The following KDM4C variants were observed in gnomAD, a reference collection of about 807,000 sequenced individuals.
KDM4C encodes the protein lysine-specific demethylase 4C.
Under a neutral mutation model 129.3 loss-of-function variants are expected in KDM4C, and 81 were observed. The observed-to-expected ratio is 0.63, with a 90% CI of 0.52 to 0.75. The LOEUF is 0.75. Among genes scored for constraint, KDM4C ranks in the 30% least tolerant of loss-of-function variants. KDM4C has a pLI of 0.00. For synonymous variants in KDM4C, 573 were observed against 456.1 expected (o/e 1.26, Z -3.26); for missense variants, 1,457 against 1,304.0 (o/e 1.12, Z -1.81).
chr9:6,721,169 G>C, intron 1 of KDM4C: 1 of 510,256 alleles, frequency 2.0e-6, no homozygotes, highest in East Asian at 3.3e-5. Flanking sequence ...AACATCCCAG[G>C]CTCAGGTGAT....
chr9:7,125,018 C>G (rs1048434580), intron 18 of KDM4C, among the ~76,000 whole-genome samples: 1 of 152,182 alleles, frequency 6.6e-6, no homozygotes, highest in African/African-American at 2.4e-5. Flanking sequence ...CCATACAGAC[C>G]TGGATCACCT....
intron 8 of KDM4C, among the ~76,000 whole-genome samples, chr9:6,903,940 T>C (rs946014469): frequency 6.6e-6 from 1 of 152,190 alleles, no homozygotes; most frequent in Admixed American, 6.5e-5. Flanking sequence ...TATCATTCTG[T>C]TCAATATATC....
intron 17 of KDM4C, among the ~76,000 whole-genome samples, chr9:7,065,874 G>A (rs748990850): frequency 4.2e-4 from 64 of 152,072 alleles, no homozygotes; most frequent in Non-Finnish European, 6.9e-4. Flanking sequence ...GTCAGTGACT[G>A]TAGTTTGAAA....
intron 15 of KDM4C, among the ~76,000 whole-genome samples, chr9:7,021,259 C>T (rs956927722): frequency 2.6e-5 from 4 of 151,816 alleles, no homozygotes; most frequent in Admixed American, 2.6e-4. Flanking sequence ...TCCAGCAATT[C>T]TCAGCCTCCT....
intron 1 of KDM4C, among the ~76,000 whole-genome samples, chr9:6,781,316 T>A (rs1231721061): frequency 6.6e-6 from 1 of 152,190 alleles, no homozygotes; most frequent in Non-Finnish European, 1.5e-5. Flanking sequence ...AAGTACAAGT[T>A]TAGGTTCCTG....
chr9:7,055,940 T>C lies in KDM4C; in HGVS notation c.2424+6740T>C, dbSNP rs528714812. On this transcript the variant is annotated intron_variant, in intron 17 of 21. Transcript: ENST00000381309. ...GCATTTTAGGAAATGTAAAGACATA[T>C]TGATTATCTTTCATCATGCTAAAAG... Among the ~76,000 whole-genome samples, 4 of 152,330 alleles carry C rather than the reference T, an allele frequency of 2.6e-5. No homozygotes were observed. The South Asian group carries it at 6.2e-4, about 24-fold the overall frequency.
In KDM4C at chr9:7,013,860, A is replaced by G. The variant is rs753859508; in HGVS notation, c.2041A>G (p.Lys681Glu). 1.2e-6 allele frequency: 2 copies of G among 1,614,044 alleles called. No individual in the cohort carries two copies. The highest frequency in any genetic ancestry group is 1.7e-6 in the Non-Finnish European group (2 of 1,179,904). The change falls in exon 14 of 22, where the codon AAG becomes GAG. Residue 681 changes from lysine to glutamate, a missense_variant. By Grantham distance (56) the Lys-to-Glu change is moderately conservative. Transcript: ENST00000381309. ...KLDEVVTSEG[K>E]TKPLIPEMCF... ...AGATGAAGTCGTTACATCGGAGGGA[A>G]AGACTAAGCCCCTCATACCAGAGAT... is the stretch of plus-strand genomic sequence containing the variant.
intron 5 of KDM4C, among the ~76,000 whole-genome samples, chr9:6,867,062 C>G (rs1588820758): frequency 6.9e-6 from 1 of 145,646 alleles, no homozygotes; most frequent in East Asian, 2.0e-4. Flanking sequence ...TGTCACCAGG[C>G]TGGAGTGCAG....
intron 1 of KDM4C, among the ~76,000 whole-genome samples, chr9:6,732,916 GGCA>G (rs1817401212): frequency 6.6e-6 from 1 of 152,200 alleles, no homozygotes; most frequent in Non-Finnish European, 1.5e-5. Flanking sequence ...GGGAGGCTGA[GGCA>G]GGAGAATAGC....
At chr9:6,881,743 C>G (rs567037658) in intron 6 of KDM4C, among the ~76,000 whole-genome samples, 7 of 152,192 alleles carry the variant, frequency 4.6e-5, no homozygotes, top group Non-Finnish European at 8.8e-5. Flanking sequence ...CCTGTTTATT[C>G]AAAACTCTTT....
intron 8 of KDM4C, among the ~76,000 whole-genome samples, chr9:6,901,480 G>C (rs1817403871): frequency 6.6e-6 from 1 of 152,224 alleles, no homozygotes; most frequent in Non-Finnish European, 1.5e-5. Context: ...CTCTGGGCAG[G>C]CTTGTCTTGA....
chr9:6,774,326 T>A (rs1391030991), intron 1 of KDM4C, among the ~76,000 whole-genome samples: 1 of 152,156 alleles, frequency 6.6e-6, no homozygotes, highest in African/African-American at 2.4e-5. Context: ...CTGTCAAATT[T>A]AAAAACTCAA....
At chr9:6,888,628 C>T (rs1036007215) in intron 7 of KDM4C, among the ~76,000 whole-genome samples, 1 of 152,074 alleles carries the variant, frequency 6.6e-6, no homozygotes, top group Non-Finnish European at 1.5e-5. Flanking sequence ...GTTATTGGGT[C>T]AGAATTATTG....
chr9:6,843,299 G>C (rs1306384085), intron 4 of KDM4C, among the ~76,000 whole-genome samples: 1 of 152,172 alleles, frequency 6.6e-6, no homozygotes, highest in Non-Finnish European at 1.5e-5. Flanking sequence ...AATCCGTCGA[G>C]GTGCCCCTCT....
At chr9:6,832,200 C>T (rs979562809) in intron 4 of KDM4C, among the ~76,000 whole-genome samples, 3 of 150,926 alleles carry the variant, frequency 2.0e-5, no homozygotes, top group Admixed American at 6.6e-5. Context: ...ATTAGCCGGG[C>T]GTGGTGGTGG....
At position 6,962,400 on chromosome 9, in the gene KDM4C, G is replaced by A. The variant is rs191687446; in HGVS notation, c.922-18525G>A. On this transcript the variant is annotated intron_variant, in intron 8 of 21. Coordinates refer to ENST00000381309, the MANE Select transcript of KDM4C (RefSeq NM_015061.6). ...ACCTTTGGACAGTGAATCCATTAATGTTCAGATGAGTTAAGGATAATTGCA... is the reference window on the plus strand; with the variant it reads ...ACCTTTGGACAGTGAATCCATTAATATTCAGATGAGTTAAGGATAATTGCA... Among the ~76,000 whole-genome samples, 10 of 152,264 alleles carry A rather than the reference G, an allele frequency of 6.6e-5. 1 individual carries two copies. In the East Asian group the frequency reaches 1.5e-3, roughly 24 times the overall value.
intron 19 of KDM4C, among the ~76,000 whole-genome samples, chr9:7,137,656 A>C (rs1048428913): frequency 6.6e-6 from 1 of 152,234 alleles, no homozygotes; most frequent in Non-Finnish European, 1.5e-5. Flanking sequence ...ATTTGTAAGC[A>C]CAGCTTTCTG....
intron 9 of KDM4C, chr9:6,981,878 G>A (rs141745266): frequency 0.013 from 3,545 of 271,006 alleles, 25 homozygotes; most frequent in East Asian, 0.02. Context: ...GAGGAAATTT[G>A]TAAAATAAGG....
At chr9:6,800,579 A>G (rs999971069) in intron 2 of KDM4C, among the ~76,000 whole-genome samples, 30 of 152,096 alleles carry the variant, frequency 2.0e-4, no homozygotes, top group Non-Finnish European at 4.1e-4. Flanking sequence ...TTTCAGTAAC[A>G]TATACTATGA....
Sources: allele counts gnomAD v4.1 joint callset (sites outside exome capture counted in the v4.1 genomes callset), GRCh38; gene constraint gnomAD v4.1.1; transcripts MANE v1.5; gene names NCBI Gene and HGNC (gene_info 2026-07-23, HGNC 2026-07-21).